The following UBE2G1 variants were observed in gnomAD, a reference collection of about 807,000 sequenced individuals.
The protein encoded by UBE2G1 is ubiquitin-conjugating enzyme E2 G1.
In UBE2G1, 5 loss-of-function variants were observed where a neutral mutation model predicts 22.7. That is an observed-to-expected ratio of 0.22 (90% CI 0.12 to 0.46). The LOEUF (loss-of-function observed/expected upper bound fraction) is 0.46, where lower values mean the gene tolerates loss of function less well. UBE2G1 is among the 20% of genes least tolerant of loss of function. The pLI is 0.99. For missense variants in UBE2G1, 88 were observed against 203.9 expected, an observed-to-expected ratio of 0.43 and a Z score of 3.46; for synonymous variants, 74 against 67.5, an observed-to-expected ratio of 1.10 and a Z score of -0.47.
At chr17:4,303,059 T>C (rs1350526546) in intron 2 of UBE2G1, among the ~76,000 whole-genome samples, 1 of 152,082 alleles carries the variant, frequency 6.6e-6, no homozygotes, top group African/African-American at 2.4e-5. Context: ...CTTTTCTTTA[T>C]CTTACAGCAG....
At chr17:4,326,618 C>T (rs1245011623) in intron 1 of UBE2G1, among the ~76,000 whole-genome samples, 1 of 152,174 alleles carries the variant, frequency 6.6e-6, no homozygotes, top group Admixed American at 6.6e-5. Context: ...GGGGGTCAAA[C>T]AGATGTTTGT....
At chr17:4,340,259 T>C (rs531786867) in intron 1 of UBE2G1, among the ~76,000 whole-genome samples, 9 of 152,194 alleles carry the variant, frequency 5.9e-5, no homozygotes, top group Non-Finnish European at 1.0e-4. Flanking sequence ...CATCCTTGCA[T>C]CCTCCGTCTT....
At chr17:4,302,494 C>T (rs1298858488) in intron 2 of UBE2G1, 1 of 464,894 alleles carries the variant, frequency 2.2e-6, no homozygotes, top group Non-Finnish European at 4.4e-6. Context: ...CATTCAGAAT[C>T]TTGGGGTGGC....
At chr17:4,294,415 C>CAAAAAAAAA (rs68047533) in intron 3 of UBE2G1, among the ~76,000 whole-genome samples, 4 of 117,166 alleles carry the variant, frequency 3.4e-5, no homozygotes, top group African/African-American at 1.8e-4. Flanking sequence ...GACTCCGTCT[C>CAAAAAAAAA]AAAAAAAAAA....
At chr17:4,342,693 C>T (rs1264382645) in intron 1 of UBE2G1, among the ~76,000 whole-genome samples, 1 of 152,214 alleles carries the variant, frequency 6.6e-6, no homozygotes, top group Non-Finnish European at 1.5e-5. Flanking sequence ...TCCAAGCTAG[C>T]ATCATGTCTC....
intron 3 of UBE2G1, among the ~76,000 whole-genome samples, chr17:4,290,161 C>T (rs1969016607): frequency 1.3e-5 from 2 of 151,984 alleles, no homozygotes; most frequent in African/African-American, 2.4e-5. Context: ...TAAATAATCC[C>T]TATTGTGAAA....
rs1030325056 is a variant in UBE2G1, at chr17:4,271,094, T to G, written c.*1460A>C. The G allele has an allele frequency of 2.0e-5, 3 of 152,246 alleles. No homozygotes were observed. Among genetic ancestry groups the G allele is most frequent in the Admixed American group, 2.0e-4 (3 of 15,290 alleles). 9.4% of individuals were successfully genotyped at this position (152,246 alleles called of 1,614,324 possible). On this transcript the variant is annotated 3_prime_UTR_variant, in exon 6 of 6. Coordinates refer to ENST00000396981, the MANE Select transcript of UBE2G1 (RefSeq NM_003342.5). ...CATGAAGGAGCCTAAGGCCTGCCTT[T>G]AACACTGCACATGTTCATTTTACCA...
At chr17:4,365,586 G>A (rs1970023982) in intron 1 of UBE2G1, among the ~76,000 whole-genome samples, 3 of 152,018 alleles carry the variant, frequency 2.0e-5, no homozygotes, top group African/African-American at 7.2e-5. Flanking sequence ...CGGCCAGCGA[G>A]CGGCTCTCCC....
intron 1 of UBE2G1, among the ~76,000 whole-genome samples, chr17:4,326,717 T>C (rs1969507085): frequency 6.6e-6 from 1 of 152,146 alleles, no homozygotes; most frequent in Admixed American, 6.5e-5. Context: ...ATAAACAAAA[T>C]GTGCAGTATA....
At chr17:4,275,542 T>G (rs918208110) in intron 5 of UBE2G1, among the ~76,000 whole-genome samples, 1 of 152,210 alleles carries the variant, frequency 6.6e-6, no homozygotes, top group African/African-American at 2.4e-5. Context: ...TTTATTAATA[T>G]TTCTAAAACT....
intron 1 of UBE2G1, among the ~76,000 whole-genome samples, chr17:4,312,315 G>A (rs928081362): frequency 1.2e-4 from 19 of 152,250 alleles, no homozygotes; most frequent in African/African-American, 4.3e-4. Context: ...GAGGTTGTAA[G>A]TTGATGCATC....
intron 2 of UBE2G1, among the ~76,000 whole-genome samples, chr17:4,303,361 TAAA>T (rs1969209144): frequency 6.6e-6 from 1 of 152,110 alleles, no homozygotes; most frequent in Non-Finnish European, 1.5e-5. Context: ...TTTACAAAAA[TAAA>T]TAATAAAACT....
chr17:4,315,957 A>G (rs9897057), intron 1 of UBE2G1, among the ~76,000 whole-genome samples: 91,102 of 149,172 alleles, frequency 0.61, 28,766 homozygotes, highest in East Asian at 0.8. Context: ...ACAGGCGCCC[A>G]CCACCACGCC....
chr17:4,314,577 T>C (rs910110636), intron 1 of UBE2G1, among the ~76,000 whole-genome samples: 7 of 152,240 alleles, frequency 4.6e-5, no homozygotes, highest in Admixed American at 1.3e-4. Context: ...GTAATCAAAA[T>C]AGTAATTACT....
At chr17:4,320,412 TTTC>T (rs1156344544) in intron 1 of UBE2G1, among the ~76,000 whole-genome samples, 1 of 152,222 alleles carries the variant, frequency 6.6e-6, no homozygotes, top group Admixed American at 6.5e-5. Flanking sequence ...AGGTCAATAA[TTTC>T]TTCAATATTA....
At chr17:4,276,902 A>T (rs1424455430) in intron 5 of UBE2G1, among the ~76,000 whole-genome samples, 2 of 152,182 alleles carry the variant, frequency 1.3e-5, no homozygotes, top group African/African-American at 4.8e-5. Context: ...CCCAAACAAG[A>T]CAAAAGAGCC....
chr17:4,361,592 T>C lies in UBE2G1; in HGVS notation c.46+4679A>G, dbSNP rs569948974. Reference sequence around the variant, plus strand: ...CAGCACAGTGCCTGGTACATGTTAGTCCTCAGTAAACGTTAGCCTATATAA... The same window carrying C: ...CAGCACAGTGCCTGGTACATGTTAGCCCTCAGTAAACGTTAGCCTATATAA... On this transcript the variant is annotated intron_variant, in intron 1 of 5. Coordinates refer to ENST00000396981, the MANE Select transcript of UBE2G1 (RefSeq NM_003342.5). Among the ~76,000 whole-genome samples the C allele has an allele frequency of 5.9e-5, 9 of 152,234 alleles. No homozygotes were observed. The South Asian group carries it at 1.7e-3, about 28-fold the overall frequency.
At chr17:4,330,054 A>G (rs1969552789) in intron 1 of UBE2G1, among the ~76,000 whole-genome samples, 3 of 152,112 alleles carry the variant, frequency 2.0e-5, no homozygotes, top group Non-Finnish European at 4.4e-5. Context: ...TGCATCTACA[A>G]AGTTTTACAC....
At chr17:4,351,774 G>A (rs1969847110) in intron 1 of UBE2G1, among the ~76,000 whole-genome samples, 1 of 152,146 alleles carries the variant, frequency 6.6e-6, no homozygotes, top group Admixed American at 6.6e-5. Context: ...GGGTGAAAGA[G>A]TATCAAGGAA....
Sources: gnomAD v4.1 joint callset for allele counts (sites outside exome capture counted in the v4.1 genomes callset) on GRCh38, gnomAD v4.1.1 for gene constraint, MANE v1.5 for transcripts, NCBI Gene and HGNC (gene_info 2026-07-23, HGNC 2026-07-21) for gene names.